FRMPD2: variants seen among roughly 807,000 people sequenced by gnomAD.
FRMPD2 encodes the protein FERM and PDZ domain-containing protein 2.
A neutral mutation model predicts 140.1 loss-of-function variants in FRMPD2; 96 were observed. That is an observed-to-expected ratio of 0.69 (90% confidence interval 0.58 to 0.81). The LOEUF is 0.81. FRMPD2 is among the 40% of genes least tolerant of loss of function. The pLI, the probability that FRMPD2 is intolerant of heterozygous loss-of-function variation, is 0.00. For missense variants in FRMPD2, 1,240 were observed against 1,447.4 expected (o/e 0.86, Z 2.32); for synonymous variants, 449 against 547.6 (o/e 0.82, Z 2.52).
intron 15 of FRMPD2, among the ~76,000 whole-genome samples, chr10:48,195,988 C>T (rs1339125878): frequency 6.6e-6 from 1 of 152,074 alleles, no homozygotes; most frequent in Non-Finnish European, 1.5e-5. Flanking sequence ...GAAGAGCCAC[C>T]TGGGGGCAGT....
intron 27 of FRMPD2, among the ~76,000 whole-genome samples, chr10:48,164,615 C>T (rs1838046232): frequency 6.7e-6 from 1 of 150,088 alleles, no homozygotes; most frequent in East Asian, 1.9e-4. Flanking sequence ...GGATACACCT[C>T]CAAATGTGCA....
chr10:48,183,806 C>G (rs1243607335), intron 20 of FRMPD2, among the ~76,000 whole-genome samples: 1 of 143,334 alleles, frequency 7.0e-6, no homozygotes, highest in Non-Finnish European at 1.5e-5. Flanking sequence ...AAGCCAAGAT[C>G]GTGCCATTGC....
At chr10:48,222,147 TGGA>T (rs1237047739) in intron 12 of FRMPD2, among the ~76,000 whole-genome samples, 163 bp downstream of exon 12, 1 of 151,822 alleles carries the variant, frequency 6.6e-6, no homozygotes, top group African/African-American at 2.4e-5. Context: ...GATGGATGGA[TGGA>T]TGGATGGATG....
At chr10:48,265,301 C>T (rs1024996590) in intron 1 of FRMPD2, among the ~76,000 whole-genome samples, 4 of 152,116 alleles carry the variant, frequency 2.6e-5, no homozygotes, top group African/African-American at 9.7e-5. Flanking sequence ...TGGACACAGG[C>T]ACTGGCAAAG....
intron 14 of FRMPD2, 30 bp downstream of exon 14, chr10:48,206,718 C>A: frequency 6.3e-7 from 1 of 1,580,106 alleles, no homozygotes; most frequent in South Asian, 1.1e-5. Context: ...AAATGAAGTG[C>A]AGGTTATTTA....
intron 15 of FRMPD2, among the ~76,000 whole-genome samples, chr10:48,200,963 C>T (rs549110432): frequency 2.0e-5 from 3 of 152,268 alleles, no homozygotes; most frequent in South Asian, 4.1e-4. Flanking sequence ...GCCAAGAGGA[C>T]GTGCACTTTT....
chr10:48,212,741 A>T (rs1459601303), intron 12 of FRMPD2, among the ~76,000 whole-genome samples: 1 of 152,102 alleles, frequency 6.6e-6, no homozygotes, highest in Non-Finnish European at 1.5e-5. Context: ...CACCTTCATC[A>T]AGTCTGTTCT....
chr10:48,239,151 G>A (rs1840039906), intron 7 of FRMPD2, among the ~76,000 whole-genome samples: 1 of 152,208 alleles, frequency 6.6e-6, no homozygotes, highest in Admixed American at 6.5e-5. Flanking sequence ...GGATAGCCGA[G>A]CCGAAGACAG....
chr10:48,259,031 AGT>A (rs1840535429), intron 1 of FRMPD2, among the ~76,000 whole-genome samples: 1 of 152,252 alleles, frequency 6.6e-6, no homozygotes, highest in Admixed American at 6.5e-5. Flanking sequence ...GAAAAATTGA[AGT>A]AAAATGTCAA....
In FRMPD2 at chr10:48,173,380, C is replaced by A. The variant is rs182790489; in HGVS notation, c.3076-287G>T. Among the ~76,000 whole-genome samples the A allele has an allele frequency of 3.7e-3, 559 of 152,132 alleles. 4 individuals are homozygous for A. Among genetic ancestry groups the A allele is most frequent in the Non-Finnish European group, 5.7e-3 (389 of 68,012 alleles). On this transcript the variant is annotated intron_variant, in intron 24 of 28. Coordinates refer to ENST00000374201, the MANE Select transcript of FRMPD2 (RefSeq NM_001018071.4). Reference sequence around the variant, plus strand: ...CCCTCCTCGTTCTTCCTAAAACACTCCTCCCCTCGCATTGGCTCACCCCAC... The same window carrying A: ...CCCTCCTCGTTCTTCCTAAAACACTACTCCCCTCGCATTGGCTCACCCCAC...
intron 1 of FRMPD2, among the ~76,000 whole-genome samples, chr10:48,259,618 A>T (rs973853206): frequency 6.7e-6 from 1 of 149,574 alleles, no homozygotes; most frequent in Non-Finnish European, 1.5e-5. Context: ...CCAGTAGTAC[A>T]TGAATGTGTG....
chr10:48,260,812 C>A (rs981924397), intron 1 of FRMPD2, among the ~76,000 whole-genome samples: 1 of 152,070 alleles, frequency 6.6e-6, no homozygotes. Context: ...GAACCAGACT[C>A]TGATATAGCA....
chr10:48,272,311 GGCCTGTGAGA>G (rs1223754059), intron 1 of FRMPD2, among the ~76,000 whole-genome samples: 1 of 152,064 alleles, frequency 6.6e-6, no homozygotes, highest in Admixed American at 6.6e-5. Flanking sequence ...GGCTCCTACT[GGCCTGTGAGA>G]GCCAATTGTT....
intron 15 of FRMPD2, among the ~76,000 whole-genome samples, chr10:48,197,320 T>C (rs527977685): frequency 3.3e-4 from 50 of 152,138 alleles, no homozygotes; most frequent in African/African-American, 1.2e-3. Context: ...CACCAGACAC[T>C]GAGCTAGAAA....
chr10:48,180,291 C>T (rs1356223753), intron 21 of FRMPD2, among the ~76,000 whole-genome samples: 1 of 152,192 alleles, frequency 6.6e-6, no homozygotes, highest in African/African-American at 2.4e-5. Context: ...GACAACACCA[C>T]TGGGAATCCA....
At chr10:48,240,597 G>A in intron 5 of FRMPD2, 105 bp from the exon 6 acceptor site, 1 of 1,466,164 alleles carries the variant, frequency 6.8e-7, no homozygotes, top group Non-Finnish European at 9.3e-7. Flanking sequence ...GGAATTGTCT[G>A]CCCTATACGG....
chr10:48,245,492 A>C (rs1840226125), intron 3 of FRMPD2, among the ~76,000 whole-genome samples: 1 of 152,250 alleles, frequency 6.6e-6, no homozygotes, highest in Admixed American at 6.5e-5. Context: ...TCTGACCCTC[A>C]GTTTCTTCAT....
intron 10 of FRMPD2, among the ~76,000 whole-genome samples, chr10:48,225,413 G>A (rs559630440): frequency 6.6e-6 from 1 of 152,270 alleles, no homozygotes; most frequent in Non-Finnish European, 1.5e-5. Flanking sequence ...AGCCGCACAA[G>A]GACAGCTAGC....
At chr10:48,190,482 C>T (rs1448274078) in intron 16 of FRMPD2, among the ~76,000 whole-genome samples, 2 of 152,182 alleles carry the variant, frequency 1.3e-5, no homozygotes, top group African/African-American at 4.8e-5. Context: ...CTGGTGACCC[C>T]TACCCCTGTG....
Sources: gnomAD v4.1 joint callset for allele counts (sites outside exome capture counted in the v4.1 genomes callset) on GRCh38, gnomAD v4.1.1 for gene constraint, MANE v1.5 for transcripts, NCBI Gene and HGNC (gene_info 2026-07-23, HGNC 2026-07-21) for gene names.